The following SUPT3H variants were observed in gnomAD, a reference collection of about 807,000 sequenced individuals.
SUPT3H encodes SPT3 homolog, SAGA and STAGA complex component.
Under a neutral mutation model 44.3 loss-of-function variants are expected in SUPT3H, and 44 were observed. That is an observed-to-expected ratio of 0.99 (90% confidence interval 0.78 to 1.28). SUPT3H has a LOEUF of 1.28. Ranked by LOEUF, SUPT3H falls within the 50% of genes most tolerant of loss-of-function variation. The pLI, the probability that SUPT3H is intolerant of heterozygous loss-of-function variation, is 0.00. For missense variants in SUPT3H, 380 were observed against 387.1 expected (o/e 0.98, Z 0.15); for synonymous variants, 124 against 125.6 (o/e 0.99, Z 0.09).
chr6:45,339,633 A>C (rs1258716471), intron 2 of SUPT3H, among the ~76,000 whole-genome samples: 1 of 152,162 alleles, frequency 6.6e-6, no homozygotes, highest in Non-Finnish European at 1.5e-5. Flanking sequence ...GGATTCCATA[A>C]GATGACTATA....
intron 2 of SUPT3H, among the ~76,000 whole-genome samples, chr6:45,171,542 A>G (rs1810765483): frequency 6.6e-6 from 1 of 152,128 alleles, no homozygotes; most frequent in Non-Finnish European, 1.5e-5. Flanking sequence ...ATGCCTTATA[A>G]CTGAAGAGGA....
At chr6:45,042,777 G>A (rs972031688) in intron 3 of SUPT3H, among the ~76,000 whole-genome samples, 15 of 149,640 alleles carry the variant, frequency 1.0e-4, no homozygotes, top group East Asian at 4.0e-4. Flanking sequence ...AAATCATGCT[G>A]CTATAAAGAC....
chr6:45,215,023 CA>C (rs1343207802), intron 2 of SUPT3H, among the ~76,000 whole-genome samples: 1 of 152,104 alleles, frequency 6.6e-6, no homozygotes, highest in African/African-American at 2.4e-5. Context: ...TGCACGACAG[CA>C]ACAACAAATA....
chr6:45,153,030 G>A (rs1272131260), intron 2 of SUPT3H, among the ~76,000 whole-genome samples: 1 of 152,004 alleles, frequency 6.6e-6, no homozygotes, highest in African/African-American at 2.4e-5. Context: ...TCTCACACAG[G>A]AAGAGCAATA....
chr6:45,006,998 C>T (rs1782808056), intron 5 of SUPT3H, among the ~76,000 whole-genome samples: 1 of 152,128 alleles, frequency 6.6e-6, no homozygotes, highest in African/African-American at 2.4e-5. Flanking sequence ...TTACTTTCTG[C>T]ACTTGATATT....
At chr6:45,304,933 G>A (rs569137266) in intron 2 of SUPT3H, among the ~76,000 whole-genome samples, 95 of 152,264 alleles carry the variant, frequency 6.2e-4, no homozygotes, top group Non-Finnish European at 8.4e-4. Flanking sequence ...TTTACAAACA[G>A]TTGATTACAG....
intron 6 of SUPT3H, among the ~76,000 whole-genome samples, chr6:44,975,451 A>G (rs1315604922): frequency 6.6e-6 from 1 of 152,188 alleles, no homozygotes; most frequent in African/African-American, 2.4e-5. Context: ...GGAGTTGGAG[A>G]TCATTATTCT....
At chr6:45,193,580 G>GT (rs1421263073) in intron 2 of SUPT3H, among the ~76,000 whole-genome samples, 1 of 152,094 alleles carries the variant, frequency 6.6e-6, no homozygotes, top group Non-Finnish European at 1.5e-5. Flanking sequence ...GCTGGGCATG[G>GT]TGACGGGCAC....
chr6:45,059,791 T>C (rs1367359001), intron 3 of SUPT3H, among the ~76,000 whole-genome samples: 2 of 152,038 alleles, frequency 1.3e-5, no homozygotes, highest in South Asian at 2.1e-4. Flanking sequence ...AGTATTCCTA[T>C]ACAACAACAA....
At chr6:45,026,665 A>G (rs1250311714) in intron 3 of SUPT3H, among the ~76,000 whole-genome samples, 1 of 152,108 alleles carries the variant, frequency 6.6e-6, no homozygotes, top group Non-Finnish European at 1.5e-5. Context: ...TTAACTTTTT[A>G]AGCTTGTTTC....
intron 6 of SUPT3H, among the ~76,000 whole-genome samples, chr6:44,999,378 A>G (rs890112153): frequency 6.6e-6 from 1 of 151,974 alleles, no homozygotes; most frequent in Non-Finnish European, 1.5e-5. Context: ...CTACAGGCGT[A>G]CACCACCACG....
At chr6:44,845,646 G>T (rs1305055337) in intron 10 of SUPT3H, among the ~76,000 whole-genome samples, 1 of 152,118 alleles carries the variant, frequency 6.6e-6, no homozygotes, top group African/African-American at 2.4e-5. Context: ...ACCCTAGTGG[G>T]CACACACACA....
chr6:45,056,721 G>A (rs951299717), intron 3 of SUPT3H, among the ~76,000 whole-genome samples: 4 of 152,026 alleles, frequency 2.6e-5, no homozygotes, highest in African/African-American at 9.7e-5. Context: ...ATGGGGTGAG[G>A]GATAAAAGAG....
At chr6:45,057,970 A>G (rs772185150) in intron 3 of SUPT3H, among the ~76,000 whole-genome samples, 1 of 152,216 alleles carries the variant, frequency 6.6e-6, no homozygotes, top group Non-Finnish European at 1.5e-5. Context: ...GAAAATGTTG[A>G]CAATTTTAGT....
At chr6:45,258,919 T>A (rs1188451536) in intron 2 of SUPT3H, among the ~76,000 whole-genome samples, 3 of 152,152 alleles carry the variant, frequency 2.0e-5, no homozygotes, top group Non-Finnish European at 4.4e-5. Context: ...CATTTTAAAG[T>A]TTTTTGAGGC....
chr6:45,171,813 G>T (rs989540479), intron 2 of SUPT3H, among the ~76,000 whole-genome samples: 1 of 142,072 alleles, frequency 7.0e-6, no homozygotes, highest in Non-Finnish European at 1.5e-5. Flanking sequence ...TGCCACCCAG[G>T]TTCAAGCGAT....
At chr6:45,121,163 C>T (rs1801605097) in intron 2 of SUPT3H, among the ~76,000 whole-genome samples, 1 of 152,044 alleles carries the variant, frequency 6.6e-6, no homozygotes, top group Non-Finnish European at 1.5e-5. Flanking sequence ...AATCTTGGCC[C>T]AGAAACTCTC....
Position 44,870,540 on chromosome 6 carries a change from A to T in SUPT3H, c.913-40683T>A, listed in dbSNP as rs370991569. 4.0e-5 allele frequency among the ~76,000 whole-genome samples: 6 copies of T among 150,642 alleles called. No homozygotes were observed. In the East Asian group the frequency reaches 1.2e-3, roughly 29 times the overall value. ...CTTGAGCCCAGGAGGTCGAGGCTGC[A>T]GCGAGCCGGGACTGTGCTACTATAC... On this transcript the variant is annotated intron_variant, in intron 10 of 10. Transcript: ENST00000371459.
intron 10 of SUPT3H, among the ~76,000 whole-genome samples, chr6:44,917,695 C>G (rs1768029012): frequency 6.6e-6 from 1 of 152,210 alleles, no homozygotes; most frequent in Admixed American, 6.5e-5. Context: ...GGTGGGACCA[C>G]AGCCAAGCAG....
Sources: gnomAD v4.1 joint callset for allele counts (sites outside exome capture counted in the v4.1 genomes callset) on GRCh38, gnomAD v4.1.1 for gene constraint, MANE v1.5 for transcripts, NCBI Gene and HGNC (gene_info 2026-07-23, HGNC 2026-07-21) for gene names.